Variants in CNTN4 observed in about 807,000 individuals in gnomAD.
The protein encoded by CNTN4 is contactin 4, also known as contactin-4.
In CNTN4, 77 loss-of-function variants were observed where a neutral mutation model predicts 122.5. That is an observed-to-expected ratio of 0.63 (90% confidence interval 0.52 to 0.76). The LOEUF (loss-of-function observed/expected upper bound fraction) is 0.76, where lower values mean the gene tolerates loss of function less well. Among genes scored for constraint, CNTN4 ranks in the 30% least tolerant of loss-of-function variants. The pLI is 0.00. For missense variants in CNTN4, 1,256 were observed against 1,259.1 expected (o/e 1.00, Z 0.04); for synonymous variants, 512 against 447.0 (o/e 1.15, Z -1.83).
intron 23 of CNTN4, among the ~76,000 whole-genome samples, chr3:3,047,139 G>T: frequency 6.6e-6 from 1 of 151,482 alleles, no homozygotes; most frequent in South Asian, 2.1e-4. Context: ...AGTCCTGAGT[G>T]ACCTGCAAAG....
Position 3,034,818 on chromosome 3 carries a change from A to C in CNTN4, c.1942+28A>C, listed in dbSNP as rs549184099. 1.3e-4 allele frequency: 214 copies of C among 1,613,018 alleles called. 3 individuals are homozygous for C. In the South Asian group the frequency reaches 2.3e-3, roughly 17 times the overall value. On this transcript the variant is annotated intron_variant, in intron 17 of 24. Transcript: ENST00000418658. The stretch of plus-strand genomic sequence containing the variant: ...ACCATATTGGATGCTTGGCTCAGAG[A>C]CATTGGGAACTCAGCATACTGGACA...
In CNTN4 at chr3:2,169,606, C is replaced by T. The variant is rs537921339; in HGVS notation, c.-145+68967C>T. ...TAGAGACGGGGTTTCACCCTGCTAG[C>T]CAGGATGGTCTCGATCTCCTGACCT... On this transcript the variant is annotated intron_variant, in intron 2 of 24. Transcript: ENST00000418658. 3.7e-3 allele frequency among the ~76,000 whole-genome samples: 565 copies of T among 151,960 alleles called. 4 individuals carry two copies. The highest frequency in any genetic ancestry group is 0.013 in the African/African-American group (531 of 41,470).
intron 3 of CNTN4, among the ~76,000 whole-genome samples, chr3:2,565,630 A>T (rs1350103369): frequency 6.6e-6 from 1 of 151,974 alleles, no homozygotes; most frequent in African/African-American, 2.4e-5. Context: ...TTGACCCAAA[A>T]CTCTTCATAT....
chr3:2,601,551 T>C (rs1294560009), intron 4 of CNTN4, among the ~76,000 whole-genome samples: 1 of 152,142 alleles, frequency 6.6e-6, no homozygotes, highest in African/African-American at 2.4e-5. Flanking sequence ...TTCTGTTCTG[T>C]TCCATTGGTC....
chr3:2,798,023 C>G (rs781624183), intron 6 of CNTN4, among the ~76,000 whole-genome samples: 1 of 150,310 alleles, frequency 6.7e-6, no homozygotes, highest in Non-Finnish European at 1.5e-5. Context: ...ATAACCATCA[C>G]CTAAATAATG....
chr3:2,934,759 C>T (rs753461630), intron 13 of CNTN4, among the ~76,000 whole-genome samples: 21 of 152,302 alleles, frequency 1.4e-4, no homozygotes, highest in Non-Finnish European at 2.6e-4. Flanking sequence ...TAATTAGAGG[C>T]AGTTCATCTC....
chr3:2,333,610 G>A (rs538703661), intron 2 of CNTN4, among the ~76,000 whole-genome samples: 68 of 152,260 alleles, frequency 4.5e-4, no homozygotes, highest in Non-Finnish European at 7.4e-4. Flanking sequence ...TGAGTGTGTG[G>A]TGGGGAACCC....
intron 6 of CNTN4, among the ~76,000 whole-genome samples, chr3:2,798,366 A>ATCTATCT (rs57013365): frequency 0.011 from 1,430 of 135,450 alleles, 40 homozygotes; most frequent in African/African-American, 0.032. Context: ...TACACACATA[A>ATCTATCT]ATCTATCTAT....
At chr3:2,267,522 T>C (rs889942247) in intron 2 of CNTN4, among the ~76,000 whole-genome samples, 6 of 152,240 alleles carry the variant, frequency 3.9e-5, no homozygotes, top group African/African-American at 1.4e-4. Flanking sequence ...AAACATGTCA[T>C]GTCTGTTATA....
intron 4 of CNTN4, among the ~76,000 whole-genome samples, chr3:2,603,026 C>T (rs757554313): frequency 1.3e-5 from 2 of 152,020 alleles, no homozygotes; most frequent in Non-Finnish European, 2.9e-5. Context: ...GAAATGTTTT[C>T]TTCACTTACT....
chr3:2,196,169 G>A (rs542291882), intron 2 of CNTN4, among the ~76,000 whole-genome samples: 12 of 152,278 alleles, frequency 7.9e-5, no homozygotes, highest in Non-Finnish European at 1.5e-4. Flanking sequence ...TGGAATTGAT[G>A]TCTCTTTGCT....
intron 9 of CNTN4, 126 bp downstream of exon 9, chr3:2,883,373 A>G (rs1299822690): frequency 5.6e-6 from 4 of 720,306 alleles, no homozygotes; most frequent in Non-Finnish European, 9.9e-6. Flanking sequence ...TTCTCTTTGT[A>G]ATTCTGTGTA....
chr3:3,042,899 G>C (rs565670978), intron 21 of CNTN4, 78 bp from the exon 22 acceptor site: 1 of 1,162,762 alleles, frequency 8.6e-7, no homozygotes, highest in African/African-American at 1.5e-5. Flanking sequence ...ATAAGAATCT[G>C]CGTACAAAAT....
At chr3:2,750,357 G>A (rs771467313) in intron 6 of CNTN4, among the ~76,000 whole-genome samples, 2 of 152,138 alleles carry the variant, frequency 1.3e-5, no homozygotes, top group African/African-American at 4.8e-5. Context: ...TATTAAAAAT[G>A]TTTTCATGCT....
chr3:2,236,658 G>T (rs1374260997), intron 2 of CNTN4, among the ~76,000 whole-genome samples: 1 of 152,206 alleles, frequency 6.6e-6, no homozygotes, highest in Non-Finnish European at 1.5e-5. Flanking sequence ...AGCCATGTCT[G>T]TGTCCAAATG....
At chr3:2,479,697 G>T (rs967189211) in intron 3 of CNTN4, among the ~76,000 whole-genome samples, 17 of 152,290 alleles carry the variant, frequency 1.1e-4, no homozygotes, top group African/African-American at 3.8e-4. Flanking sequence ...ACCAGATCTT[G>T]CAATACTGCC....
At chr3:2,589,303 C>T (rs905237002) in intron 4 of CNTN4, among the ~76,000 whole-genome samples, 4 of 152,222 alleles carry the variant, frequency 2.6e-5, no homozygotes, top group African/African-American at 9.6e-5. Flanking sequence ...CTTAAAAACA[C>T]AACTTGGAAT....
chr3:2,883,230 A>G lies in CNTN4; in HGVS notation c.738A>G (p.Glu246=), dbSNP rs1427403166. The G allele has an allele frequency of 6.2e-7, 1 of 1,613,550 alleles. No individual in the cohort carries two copies. Among genetic ancestry groups the G allele is most frequent in the Non-Finnish European group, 8.5e-7 (1 of 1,179,672 alleles). Residue 246 remains glutamate (E), a synonymous_variant, in exon 9 of 25, where the codon GAA becomes GAG. Coordinates refer to ENST00000418658, the MANE Select transcript of CNTN4 (RefSeq NM_175607.3). ...CAAAAGGAGCAACGGTGAAGCTGGA[A>G]TGCTTTGCTTTAGGAAAGTAAGTTC... ...PTAKGATVKL[E]CFALGNPVPT... is the part of the protein sequence containing the mutation.
intron 13 of CNTN4, among the ~76,000 whole-genome samples, chr3:2,970,784 T>C (rs1312282916): frequency 6.6e-6 from 1 of 152,020 alleles, no homozygotes; most frequent in Non-Finnish European, 1.5e-5. Flanking sequence ...GATCATGTAC[T>C]GTATTCTTTA....
Sources: gnomAD v4.1 joint callset for allele counts (sites outside exome capture counted in the v4.1 genomes callset) on GRCh38, gnomAD v4.1.1 for gene constraint, MANE v1.5 for transcripts, NCBI Gene and HGNC (gene_info 2026-07-23, HGNC 2026-07-21) for gene names.